The following CCDC30 variants were observed in gnomAD, a reference collection of about 807,000 sequenced individuals.
CCDC30 encodes the protein coiled-coil domain containing 30, also known as coiled-coil domain-containing protein 30.
CCDC30 carries 70 observed loss-of-function variants against 100.2 expected under a neutral mutation model. The ratio of observed to expected loss-of-function variants is 0.70; its 90% CI spans 0.58 to 0.85. The LOEUF (loss-of-function observed/expected upper bound fraction) is 0.85. Ranked by LOEUF, CCDC30 falls within the 40% of genes least tolerant of loss-of-function variation. CCDC30 has a pLI of 0.00. For missense variants in CCDC30, 652 were observed against 771.2 expected, an observed-to-expected ratio of 0.85 and a Z score of 1.83; for synonymous variants, 233 against 269.5, an observed-to-expected ratio of 0.86 and a Z score of 1.33.
chr1:42,502,219 A>G (rs1644325483), intron 6 of CCDC30, among the ~76,000 whole-genome samples: 1 of 151,638 alleles, frequency 6.6e-6, no homozygotes, highest in African/African-American at 2.4e-5. Context: ...CTGTGCTAGC[A>G]GTGAGCAAGG....
chr1:42,654,623 C>G (rs1028804398), downstream of CCDC30: 2 of 151,758 alleles, frequency 1.3e-5, no homozygotes, highest in African/African-American at 4.8e-5. Context: ...TGCGATAGCA[C>G]CACTGCACTC....
intron 3 of CCDC30, among the ~76,000 whole-genome samples, chr1:42,484,677 G>A (rs1291313617): frequency 6.6e-6 from 1 of 152,100 alleles, no homozygotes; most frequent in Non-Finnish European, 1.5e-5. Flanking sequence ...CTAGGCATGT[G>A]TTATATGACA....
chr1:42,468,733 T>C (rs1643670040), intron 1 of CCDC30: 1 of 152,198 alleles, frequency 6.6e-6, no homozygotes, highest in Admixed American at 6.5e-5. Context: ...GCATTACTAT[T>C]ACATTTATTC....
chr1:42,601,080 C>T (rs1033807637), intron 10 of CCDC30, among the ~76,000 whole-genome samples: 2 of 152,036 alleles, frequency 1.3e-5, no homozygotes, highest in Non-Finnish European at 2.9e-5. Flanking sequence ...TGGAATTAAA[C>T]TAGAAATCAG....
In CCDC30 at chr1:42,482,801, GA is replaced by G. The variant is rs1370529982; in HGVS notation, c.156del (p.Glu52AspfsTer5). The G allele has an allele frequency of 8.1e-7, 1 of 1,233,336 alleles. No individual in the cohort carries two copies. Among genetic ancestry groups the G allele is most frequent in the East Asian group, 3.2e-5 (1 of 31,644 alleles). 76.4% of individuals were successfully genotyped at this position (1,233,336 alleles called of 1,614,324 possible). On this transcript the variant is annotated frameshift_variant, in exon 3 of 17. Coordinates refer to ENST00000668663, the Ensembl canonical transcript of CCDC30. LOFTEE classifies it high-confidence loss of function. Reference sequence around the variant, plus strand: ...TGATGAACTACAAGTGAAGGAGAAGGAACAATGTAAATTAGGTAAGCTGTGG... The same window carrying G: ...TGATGAACTACAAGTGAAGGAGAAGGACAATGTAAATTAGGTAAGCTGTGG...
chr1:42,482,889 G>GAC, intron 3 of CCDC30, 73 bp downstream of exon 3: 1 of 917,436 alleles, frequency 1.1e-6, no homozygotes, highest in Non-Finnish European at 1.4e-6. Flanking sequence ...GGTGGAACAT[G>GAC]AGAAAAAAAA....
chr1:42,608,472 C>T (rs550181026), intron 10 of CCDC30, among the ~76,000 whole-genome samples: 4 of 152,188 alleles, frequency 2.6e-5, no homozygotes, highest in African/African-American at 7.2e-5. Flanking sequence ...GAGGCCGAGG[C>T]GGGCGGATCA....
intron 11 of CCDC30, among the ~76,000 whole-genome samples, chr1:42,618,170 AC>A (rs1271944408): frequency 2.0e-5 from 3 of 151,350 alleles, no homozygotes; most frequent in Non-Finnish European, 4.4e-5. Context: ...TGACAGGTAT[AC>A]TGCTGGATCT....
chr1:42,570,499 C>G (rs1645710671), intron 7 of CCDC30, among the ~76,000 whole-genome samples: 1 of 151,996 alleles, frequency 6.6e-6, no homozygotes, highest in African/African-American at 2.4e-5. Context: ...CAACTAAACA[C>G]TACCCAGGAG....
intron 11 of CCDC30, among the ~76,000 whole-genome samples, chr1:42,613,760 A>T (rs1008081473): frequency 6.6e-6 from 1 of 152,130 alleles, no homozygotes; most frequent in African/African-American, 2.4e-5. Flanking sequence ...TTTCATTGCC[A>T]TATTGGTTTT....
rs201684474 is a variant in CCDC30, at chr1:42,466,562, T to G, written c.-92+2664T>G. 1.9e-3 allele frequency among the ~76,000 whole-genome samples: 288 copies of G among 151,998 alleles called. 1 individual carries two copies. The highest frequency in any genetic ancestry group is 4.1e-3 in the East Asian group (21 of 5,184). ...TGTTGTTGTTGTTTTGTTTTGTTTT[T>G]TTTTTTTGAGATGGAGCCTTGCTCT... is the stretch of plus-strand genomic sequence containing the variant. On this transcript the variant is annotated intron_variant, in intron 1 of 16. Coordinates refer to ENST00000668663, the Ensembl canonical transcript of CCDC30.
chr1:42,503,858 A>C (rs1338492800), intron 6 of CCDC30, among the ~76,000 whole-genome samples: 1 of 152,152 alleles, frequency 6.6e-6, no homozygotes, highest in African/African-American at 2.4e-5. Flanking sequence ...GGTAACCCTA[A>C]CTGTGGAGAC....
At chr1:42,582,024 C>A (rs1386282322) in intron 9 of CCDC30, among the ~76,000 whole-genome samples, 3 of 149,384 alleles carry the variant, frequency 2.0e-5, no homozygotes, top group Non-Finnish European at 4.4e-5. Context: ...GAGTTTGAGA[C>A]CAGCCTGGGC....
chr1:42,527,353 G>T (rs963867090), intron 6 of CCDC30, among the ~76,000 whole-genome samples: 1 of 152,186 alleles, frequency 6.6e-6, no homozygotes, highest in Non-Finnish European at 1.5e-5. Context: ...GCACACTTTG[G>T]AAACAGTCTG....
chr1:42,511,228 A>T (rs1025712746), intron 6 of CCDC30, among the ~76,000 whole-genome samples: 9 of 152,094 alleles, frequency 5.9e-5, no homozygotes, highest in Non-Finnish European at 1.2e-4. Context: ...GGAACTAAGC[A>T]ACTGGGATTA....
the CCDC30 span, chr1:42,456,565 G>C: frequency 6.8e-7 from 1 of 1,475,130 alleles, no homozygotes; most frequent in East Asian, 2.5e-5. Context: ...CTGCGCTGCA[G>C]ATGGCGGAAA....
chr1:42,625,465 T>C (rs1646915824), intron 11 of CCDC30, among the ~76,000 whole-genome samples: 1 of 152,158 alleles, frequency 6.6e-6, no homozygotes, highest in Non-Finnish European at 1.5e-5. Context: ...CATCATTAGA[T>C]TGTTTATTTG....
Position 42,477,794 on chromosome 1 carries a change from AG to A in CCDC30, c.-91-2663del, listed in dbSNP as rs562159655. Among the ~76,000 whole-genome samples the A allele has an allele frequency of 2.0e-3, 303 of 152,286 alleles. 2 individuals are homozygous for A. The highest frequency in any genetic ancestry group is 7.1e-3 in the African/African-American group (295 of 41,558). ...AAGGCACAGAATACTAGGAAAATTC[AG>A]GGGAGGTGATGAGAAAGACAGGATG... On this transcript the variant is annotated intron_variant, in intron 1 of 16. Transcript: ENST00000668663.
chr1:42,491,904 A>G, intron 4 of CCDC30: 1 of 510,334 alleles, frequency 2.0e-6, no homozygotes, highest in Middle Eastern at 6.0e-4. Flanking sequence ...TCGAGGAACC[A>G]AAATTGCATC....
Sources: allele counts gnomAD v4.1 joint callset (sites outside exome capture counted in the v4.1 genomes callset), GRCh38; gene constraint gnomAD v4.1.1; transcripts MANE v1.5; gene names NCBI Gene and HGNC (gene_info 2026-07-23, HGNC 2026-07-21).